RPS3: variants seen among roughly 807,000 people sequenced by gnomAD.
RPS3 encodes the protein small ribosomal subunit protein uS3.
A neutral mutation model predicts 25.8 loss-of-function variants in RPS3; 2 were observed. That is an observed-to-expected ratio of 0.08 (90% CI 0.03 to 0.24). The LOEUF (loss-of-function observed/expected upper bound fraction) is 0.24, where lower values mean the gene tolerates loss of function less well. Ranked by LOEUF, RPS3 falls within the 10% of genes least tolerant of loss-of-function variation. RPS3 has a pLI of 1.00. For synonymous variants in RPS3, 114 were observed against 114.2 expected (o/e 1.00, Z 0.01); for missense variants, 107 against 307.1 (o/e 0.35, Z 4.87).
chr11:75,407,034 C>G (rs533861476), downstream of RPS3: 2 of 152,338 alleles, frequency 1.3e-5, no homozygotes, highest in East Asian at 3.9e-4. Flanking sequence ...TGCAGGAAGA[C>G]TGCTCTATAT....
chr11:75,403,920 T>C, intron 4 of RPS3, 100 bp from the exon 5 acceptor site: 2 of 1,128,140 alleles, frequency 1.8e-6, no homozygotes, highest in South Asian at 1.5e-5. Context: ...CAAATTATTC[T>C]CCATTAAAGG....
At chr11:75,411,172 G>A (rs1948353665), downstream of RPS3, among the ~76,000 whole-genome samples, 1 of 151,682 alleles carries the variant, frequency 6.6e-6, no homozygotes, top group Admixed American at 6.6e-5. Flanking sequence ...CACCGTGCCC[G>A]GCCTAATTTT....
At chr11:75,419,782 C>T (rs146848461) in intron 6 of RPS3, among the ~76,000 whole-genome samples, 85 of 152,156 alleles carry the variant, frequency 5.6e-4, no homozygotes, top group African/African-American at 1.9e-3. Flanking sequence ...TACAGGCATA[C>T]GCCACCATGC....
At position 75,405,907 on chromosome 11, in the gene RPS3, T is replaced by G. The variant is rs1216648152; in HGVS notation, c.*297T>G. The G allele has an allele frequency of 4.3e-6, 1 of 233,094 alleles. No homozygotes were observed. The highest frequency in any genetic ancestry group is 2.3e-5 in the African/African-American group (1 of 43,856). The allele number at this position is 233,094 out of a possible 1,614,324, so 14.4% of individuals were successfully genotyped here. On this transcript the variant is annotated 3_prime_UTR_variant, in exon 7 of 7. Transcript: ENST00000531188. Reference sequence around the variant, plus strand: ...TTCGTTGTCCTGTAGTTCAGGATTGTAGGTTTAGAAGAGGGATATGTTTGA... The same window carrying G: ...TTCGTTGTCCTGTAGTTCAGGATTGGAGGTTTAGAAGAGGGATATGTTTGA...
intron 3 of RPS3, 196 bp downstream of exon 3, chr11:75,401,929 A>G (rs1948215343): frequency 1.7e-6 from 1 of 579,378 alleles, no homozygotes; most frequent in South Asian, 2.2e-5. Flanking sequence ...TTTACATTCA[A>G]CTTGGGTATA....
downstream of RPS3, among the ~76,000 whole-genome samples, chr11:75,410,829 A>T (rs1054269912): frequency 3.9e-5 from 6 of 152,192 alleles, no homozygotes; most frequent in East Asian, 1.9e-4. Context: ...ACCAAAAAAA[A>T]ACGAAAACCA....
intron 3 of RPS3, 97 bp from the exon 4 acceptor site, chr11:75,402,255 G>GTGTA (rs780788225): frequency 6.3e-7 from 1 of 1,576,602 alleles, no homozygotes. Flanking sequence ...GGCAAGCTTG[G>GTGTA]TGTAGAAAGT....
At chr11:75,416,001 C>G (rs1393342608) in intron 6 of RPS3, among the ~76,000 whole-genome samples, 1 of 147,650 alleles carries the variant, frequency 6.8e-6, no homozygotes, top group Non-Finnish European at 1.5e-5. Flanking sequence ...AAAAAGACAT[C>G]AACACTCATT....
At chr11:75,410,033 C>T, downstream of RPS3, among the ~76,000 whole-genome samples, 1 of 139,446 alleles carries the variant, frequency 7.2e-6, no homozygotes. Flanking sequence ...AGGCGCCCCT[C>T]ACCTCCCGGA....
intron 2 of RPS3, 93 bp downstream of exon 2, chr11:75,400,917 C>G (rs989198443): frequency 2.8e-6 from 4 of 1,432,360 alleles, no homozygotes; most frequent in South Asian, 2.7e-5. Flanking sequence ...GAGTCTTGCT[C>G]TGTCCCCAAA....
At position 75,404,381 on chromosome 11, in the gene RPS3, C is replaced by A; in HGVS notation, c.538+174C>A. The A allele has an allele frequency of 1.2e-6, 1 of 806,860 alleles. No individual in the cohort carries two copies. The highest frequency in any genetic ancestry group is 1.4e-5 in the South Asian group (1 of 72,066). 50.0% of individuals were successfully genotyped at this position (806,860 alleles called of 1,614,324 possible). A position where few individuals can be genotyped will look rare whatever the true frequency, so the allele number is the denominator to read the frequency against. On this transcript the variant is annotated intron_variant, in intron 5 of 6. Coordinates refer to ENST00000531188, the MANE Select transcript of RPS3 (RefSeq NM_001005.5). This position sits in a 1 kb window ranked among gnomAD's most constrained non-coding sequence, Gnocchi z 4.6. ...ATCGATTTGCTGAGATCTGTCAGATCCAAGAGTTGGTTTGTCCTTGTTTTA... is the reference window on the plus strand; with the variant it reads ...ATCGATTTGCTGAGATCTGTCAGATACAAGAGTTGGTTTGTCCTTGTTTTA...
rs1317778978 is a variant in RPS3 at position 75,415,949 on chromosome 11, C to G, written c.*4-5778C>G. 2.1e-5 allele frequency among the ~76,000 whole-genome samples: 3 copies of G among 146,188 alleles called. No individual in the cohort carries two copies. In the East Asian group the frequency reaches 5.9e-4, roughly 29 times the overall value. On this transcript the variant is annotated intron_variant, in intron 6 of 6. Transcript: ENST00000527446. ...CGCGATCGTGCCACTGCACTCCAGC[C>G]TGGGTGAGAGAGCGAGATACTCTGT...
In RPS3 at chr11:75,406,666, G is replaced by A. The variant is rs1948292249; in HGVS notation, c.*1056G>A. The A allele has an allele frequency of 6.6e-6, 1 of 152,162 alleles. No individual in the cohort carries two copies. The highest frequency in any genetic ancestry group is 2.4e-5 in the African/African-American group (1 of 41,434). The allele number at this position is 152,162 out of a possible 1,614,324, so 9.4% of individuals were successfully genotyped here. On this transcript the variant is annotated 3_prime_UTR_variant, in exon 7 of 7. Coordinates refer to ENST00000531188, the MANE Select transcript of RPS3 (RefSeq NM_001005.5). ...TAAATTGGTCATCTTAACCATTTAA[G>A]TGTACACTTCTATAGTGACAGAGTT...
intron 6 of RPS3, among the ~76,000 whole-genome samples, chr11:75,417,296 T>C (rs911195669): frequency 6.6e-6 from 1 of 151,940 alleles, no homozygotes; most frequent in Admixed American, 6.6e-5. Context: ...ATAGCCAGAC[T>C]CCATCTCTTA....
intron 4 of RPS3, chr11:75,403,292 T>C (rs1592022934): frequency 6.6e-6 from 1 of 152,394 alleles, no homozygotes; most frequent in African/African-American, 2.4e-5. Flanking sequence ...GCAATCTGTC[T>C]TAATAACCCC....
In RPS3 at chr11:75,404,782, A is replaced by T; in HGVS notation, c.649A>T (p.Ile217Leu). The T allele has an allele frequency of 3.1e-6, 5 of 1,613,776 alleles. No homozygotes were observed. Among genetic ancestry groups the T allele is most frequent in the Non-Finnish European group, 4.2e-6 (5 of 1,179,986 alleles). The change falls in exon 6 of 7, where the codon ATA (isoleucine) becomes TTA (leucine). Residue 217 changes from isoleucine to leucine, a missense_variant. This residue lies in a region of RPS3 where 81 missense variants were observed against 286.8 expected (regional missense o/e 0.28). Coordinates refer to ENST00000531188, the MANE Select transcript of RPS3 (RefSeq NM_001005.5). This position sits in a 1 kb window ranked among gnomAD's most constrained non-coding sequence, Gnocchi z 4.6. ...HVSIVEPKDE[I>L]LPTTPISEQK... The stretch of plus-strand genomic sequence containing the variant: ...GAGCATTGTGGAACCCAAAGATGAG[A>T]TACTGCCCACCACCCCCATCTCAGA...
At chr11:75,415,249 T>TTGGAC (rs1207216630) in intron 6 of RPS3, among the ~76,000 whole-genome samples, 3 of 152,208 alleles carry the variant, frequency 2.0e-5, no homozygotes, top group Admixed American at 6.5e-5. Context: ...GTGGGTGACC[T>TTGGAC]TGGACCTTTC....
At chr11:75,403,431 C>A (rs1177557270) in intron 4 of RPS3, 2 of 152,316 alleles carry the variant, frequency 1.3e-5, no homozygotes, top group African/African-American at 4.8e-5. Flanking sequence ...GTGAAAGGGC[C>A]TGGAGGTGGC....
downstream of RPS3, among the ~76,000 whole-genome samples, chr11:75,408,371 G>A (rs1000580940): frequency 5.3e-5 from 8 of 152,188 alleles, no homozygotes; most frequent in African/African-American, 1.9e-4. Flanking sequence ...CAGATATGGA[G>A]GCTGAGGTGG....
Sources: allele counts gnomAD v4.1 joint callset (sites outside exome capture counted in the v4.1 genomes callset), GRCh38; gene constraint gnomAD v4.1.1; regional missense constraint gnomAD v4.1.1; non-coding constraint Gnocchi (gnomAD v3.1); transcripts MANE v1.5; gene names NCBI Gene and HGNC (gene_info 2026-07-23, HGNC 2026-07-21).